ASCC1: variants seen among roughly 807,000 people sequenced by gnomAD.
ASCC1 encodes activating signal cointegrator 1 complex subunit 1.
In ASCC1, 35 loss-of-function variants were observed where a neutral mutation model predicts 46.6. That is an observed-to-expected ratio of 0.75 (90% CI 0.57 to 0.99). The LOEUF (loss-of-function observed/expected upper bound fraction) is 0.99, where lower values mean the gene tolerates loss of function less well. Among genes scored for constraint, ASCC1 ranks in the 50% least tolerant of loss-of-function variants. The probability of loss-of-function intolerance (pLI) is 0.00; values close to 1 mark genes in which losing one functional copy is unlikely to be tolerated. For synonymous variants in ASCC1, 143 were observed against 146.6 expected, an observed-to-expected ratio of 0.98 and a Z score of 0.18; for missense variants, 376 against 428.7, an observed-to-expected ratio of 0.88 and a Z score of 1.09.
chr10:72,165,660 T>C (rs1345527330), intron 5 of ASCC1, among the ~76,000 whole-genome samples: 1 of 152,228 alleles, frequency 6.6e-6, no homozygotes, highest in Non-Finnish European at 1.5e-5. Flanking sequence ...GCTTGAGCTA[T>C]TTTTACATCT....
Position 72,161,688 on chromosome 10 carries a change from G to C in ASCC1, c.490-14C>G, listed in dbSNP as rs1589410501. On this transcript the variant is annotated splice_polypyrimidine_tract_variant and intron_variant, in intron 5 of 9. Transcript: ENST00000672957. ...AACCCCATGATCCTGTTATCAAAGA[G>C]AGAAAAACAAGAAACTCAGCCCATA... 1 of 1,614,030 alleles carries C rather than the reference G, an allele frequency of 6.2e-7. No homozygotes were observed. Among genetic ancestry groups the C allele is most frequent in the Non-Finnish European group, 8.5e-7 (1 of 1,180,008 alleles).
At chr10:72,165,452 G>T (rs1426060618) in intron 5 of ASCC1, among the ~76,000 whole-genome samples, 4 of 152,226 alleles carry the variant, frequency 2.6e-5, no homozygotes, top group Admixed American at 6.5e-5. Flanking sequence ...GAATGAAACA[G>T]GAATCCTATC....
intron 9 of ASCC1, among the ~76,000 whole-genome samples, chr10:72,109,631 A>G (rs1264972471): frequency 2.0e-5 from 3 of 152,202 alleles, no homozygotes; most frequent in Non-Finnish European, 4.4e-5. Flanking sequence ...AAGGATTATC[A>G]AGTTTAAGAC....
At chr10:72,120,718 T>C (rs955613733) in intron 9 of ASCC1, among the ~76,000 whole-genome samples, 4 of 151,986 alleles carry the variant, frequency 2.6e-5, no homozygotes, top group African/African-American at 9.7e-5. Context: ...GAAGCCAAGA[T>C]AAGAATTACA....
At position 72,128,074 on chromosome 10, in the gene ASCC1, A is replaced by T. The variant is rs574645007; in HGVS notation, c.957+8T>A. 3.7e-5 allele frequency: 60 copies of T among 1,609,970 alleles called. No homozygotes were observed. In the South Asian group the frequency reaches 6.0e-4, roughly 16 times the overall value. ...AAGGATTTCCAATTCACTCTGCTTC[A>T]TACTGACCTTTAAAATATTTCGGCC... On this transcript the variant is annotated splice_region_variant and intron_variant, in intron 9 of 9. Transcript: ENST00000672957.
intron 4 of ASCC1, among the ~76,000 whole-genome samples, chr10:72,197,599 G>A (rs1240868854): frequency 6.6e-6 from 1 of 151,904 alleles, no homozygotes; most frequent in East Asian, 1.9e-4. Flanking sequence ...GAAAAAGTTT[G>A]GTAATTCCTT....
chr10:72,205,613 A>G (rs1194812083), intron 3 of ASCC1, among the ~76,000 whole-genome samples: 1 of 142,226 alleles, frequency 7.0e-6, no homozygotes, highest in African/African-American at 2.7e-5. Context: ...CTGGGTGACA[A>G]GAGTGAAACT....
intron 9 of ASCC1, among the ~76,000 whole-genome samples, chr10:72,111,498 T>A (rs1334273683): frequency 6.6e-6 from 1 of 151,962 alleles, no homozygotes; most frequent in Non-Finnish European, 1.5e-5. Flanking sequence ...AAAAAAAAAA[T>A]TCAAAGTTTT....
intron 9 of ASCC1, among the ~76,000 whole-genome samples, chr10:72,124,076 G>A (rs548407727): frequency 7.4e-4 from 112 of 152,172 alleles, no homozygotes; most frequent in African/African-American, 2.3e-3. Context: ...AACAGAGATG[G>A]GACAAAACCA....
At position 72,097,455 on chromosome 10, in the gene ASCC1, A is replaced by T. The variant is rs1841212727; in HGVS notation, c.958-5T>A. On this transcript the variant is annotated splice_polypyrimidine_tract_variant and splice_region_variant and intron_variant, in intron 9 of 9. Coordinates refer to ENST00000672957, the MANE Select transcript of ASCC1 (RefSeq NM_001198800.3). ...AAAGTAGAAGTTCTCAAACAACTGAAAAGGAAGAATAAAAACCCAGAATGA... is the reference window on the plus strand; with the variant it reads ...AAAGTAGAAGTTCTCAAACAACTGATAAGGAAGAATAAAAACCCAGAATGA... The T allele has an allele frequency of 1.2e-5, 18 of 1,544,298 alleles. No individual in the cohort carries two copies. Among genetic ancestry groups the T allele is most frequent in the Non-Finnish European group, 1.5e-5 (17 of 1,116,874 alleles).
In ASCC1 at chr10:72,161,692, A is replaced by G; in HGVS notation, c.490-18T>C. On this transcript the variant is annotated intron_variant, in intron 5 of 9. Transcript: ENST00000672957. ...CCATGATCCTGTTATCAAAGAGAGA[A>G]AAACAAGAAACTCAGCCCATACAAA... The G allele has an allele frequency of 6.2e-7, 1 of 1,614,108 alleles. No individual in the cohort carries two copies. Among genetic ancestry groups the G allele is most frequent in the Non-Finnish European group, 8.5e-7 (1 of 1,180,026 alleles).
chr10:72,200,733 G>A (rs2133349005), intron 4 of ASCC1, among the ~76,000 whole-genome samples: 2 of 151,348 alleles, frequency 1.3e-5, no homozygotes, highest in Middle Eastern at 3.5e-3. Context: ...TTTGTAACTT[G>A]AATGTTAAAA....
intron 9 of ASCC1, among the ~76,000 whole-genome samples, chr10:72,125,201 G>A (rs951927577): frequency 6.6e-6 from 1 of 152,140 alleles, no homozygotes; most frequent in Non-Finnish European, 1.5e-5. Context: ...AATGAGCAAT[G>A]ACTTTCTTTC....
chr10:72,169,293 G>A lies in ASCC1; in HGVS notation c.490-7619C>T, dbSNP rs528870008. 3.9e-5 allele frequency among the ~76,000 whole-genome samples: 6 copies of A among 152,188 alleles called. No individual in the cohort carries two copies. The East Asian group carries it at 5.8e-4, about 15-fold the overall frequency. ...TACACAAGAAATACAAAAATTAGCC[G>A]GGTGTGGTGGCACATGCATGCCGGT... On this transcript the variant is annotated intron_variant, in intron 5 of 9. Coordinates refer to ENST00000672957, the MANE Select transcript of ASCC1 (RefSeq NM_001198800.3).
Position 72,175,122 on chromosome 10 carries a change from G to A in ASCC1, c.490-13448C>T, listed in dbSNP as rs117177152. On this transcript the variant is annotated intron_variant, in intron 5 of 9. Coordinates refer to ENST00000672957, the MANE Select transcript of ASCC1 (RefSeq NM_001198800.3). Reference sequence around the variant, plus strand: ...CAAATAAGGCAAAGTGATGAAAAGAGCATTTGGCTGTGCAACCAGACAGGC... The same window carrying A: ...CAAATAAGGCAAAGTGATGAAAAGAACATTTGGCTGTGCAACCAGACAGGC... 1.6e-4 allele frequency among the ~76,000 whole-genome samples: 25 copies of A among 152,298 alleles called. No homozygotes were observed. In the East Asian group the frequency reaches 4.8e-3, roughly 29 times the overall value.
intron 2 of ASCC1, chr10:72,212,392 G>T (rs903550370): frequency 3.9e-5 from 6 of 153,124 alleles, no homozygotes; most frequent in Non-Finnish European, 5.8e-5. Context: ...ATTGTATTAG[G>T]TATTATATGT....
At chr10:72,172,651 TTGAGATG>T (rs939738597) in intron 5 of ASCC1, among the ~76,000 whole-genome samples, 3 of 144,958 alleles carry the variant, frequency 2.1e-5, no homozygotes, top group Non-Finnish European at 4.5e-5. Context: ...CAGCCCAATG[TTGAGATG>T]TTTTAAAGGT....
At chr10:72,139,239 G>C (rs769882874) in intron 7 of ASCC1, among the ~76,000 whole-genome samples, 1 of 149,838 alleles carries the variant, frequency 6.7e-6, no homozygotes, top group Non-Finnish European at 1.5e-5. Flanking sequence ...TCAGCCTCCC[G>C]AGCAGCTGGG....
At chr10:72,099,436 C>T (rs554547570) in intron 9 of ASCC1, among the ~76,000 whole-genome samples, 1 of 152,256 alleles carries the variant, frequency 6.6e-6, no homozygotes, top group African/African-American at 2.4e-5. Flanking sequence ...TATGCCCAGA[C>T]ATGTAAGCTG....
Sources: allele counts gnomAD v4.1 joint callset (sites outside exome capture counted in the v4.1 genomes callset), GRCh38; gene constraint gnomAD v4.1.1; transcripts MANE v1.5; gene names NCBI Gene and HGNC (gene_info 2026-07-23, HGNC 2026-07-21).